The following PIGL variants were observed in gnomAD, a reference collection of about 807,000 sequenced individuals.
The protein encoded by PIGL is N-acetylglucosaminyl-phosphatidylinositol de-N-acetylase.
Under a neutral mutation model 31.1 loss-of-function variants are expected in PIGL, and 22 were observed. The ratio of observed to expected loss-of-function variants is 0.71; its 90% CI spans 0.51 to 1.01. The LOEUF (loss-of-function observed/expected upper bound fraction) is 1.01. PIGL is among the 50% of genes least tolerant of loss of function. The pLI is 0.00. For synonymous variants in PIGL, 131 were observed against 117.4 expected, an observed-to-expected ratio of 1.12 and a Z score of -0.75; for missense variants, 302 against 315.9, an observed-to-expected ratio of 0.96 and a Z score of 0.33.
At position 16,306,878 on chromosome 17, in the gene PIGL, G is replaced by T. The variant is rs11078338; in HGVS notation, c.427-6669G>T. ...AAGGGGTGAGATTCTTAGAGTGACA[G>T]TTCAGAGACAGTCAGGAGAGTAGGG... On this transcript the variant is annotated intron_variant, in intron 3 of 6. Transcript: ENST00000225609. Among the ~76,000 whole-genome samples, 4,910 of 152,246 alleles carry T rather than the reference G, an allele frequency of 0.032. 451 individuals carry two copies. In the East Asian group the frequency reaches 0.4, roughly 12 times the overall value.
At chr17:16,223,093 G>T (rs1037198680) in intron 1 of PIGL, among the ~76,000 whole-genome samples, 1 of 152,156 alleles carries the variant, frequency 6.6e-6, no homozygotes, top group African/African-American at 2.4e-5. Context: ...CTATGTAGAC[G>T]TTTACAGTCT....
chr17:16,264,010 ATTT>A (rs58866950), intron 2 of PIGL, among the ~76,000 whole-genome samples: 498 of 42,824 alleles, frequency 0.012, 5 homozygotes, highest in African/African-American at 0.045. Context: ...CTCCTGGCTG[ATTT>A]TTTTTTTTTT....
chr17:16,303,952 G>T (rs182488366), intron 3 of PIGL, among the ~76,000 whole-genome samples: 1 of 152,208 alleles, frequency 6.6e-6, no homozygotes, highest in Non-Finnish European at 1.5e-5. Flanking sequence ...CTGACCTCAT[G>T]ATCCGCCCGC....
intron 6 of PIGL, 106 bp from the exon 7 acceptor site, chr17:16,325,694 A>C: frequency 2.4e-6 from 2 of 825,180 alleles, no homozygotes; most frequent in South Asian, 1.5e-5. Flanking sequence ...TATAGCATGA[A>C]GCATATTAGT....
At chr17:16,311,858 C>T (rs1405659570) in intron 3 of PIGL, among the ~76,000 whole-genome samples, 1 of 151,976 alleles carries the variant, frequency 6.6e-6, no homozygotes, top group Non-Finnish European at 1.5e-5. Context: ...GGTCTACCTC[C>T]TTCTACACAG....
intron 2 of PIGL, among the ~76,000 whole-genome samples, chr17:16,245,801 C>CAT (rs2092743398): frequency 7.5e-6 from 1 of 133,464 alleles, no homozygotes; most frequent in African/African-American, 3.3e-5. Context: ...TATACACACA[C>CAT]ACACATATAT....
At chr17:16,289,134 A>C (rs573257695) in intron 2 of PIGL, among the ~76,000 whole-genome samples, 1 of 152,198 alleles carries the variant, frequency 6.6e-6, no homozygotes, top group Non-Finnish European at 1.5e-5. Flanking sequence ...CTGATTTGAG[A>C]TGTAAAGTGA....
intron 2 of PIGL, among the ~76,000 whole-genome samples, chr17:16,295,619 C>T (rs1459372873): frequency 6.6e-6 from 1 of 151,822 alleles, no homozygotes; most frequent in Non-Finnish European, 1.5e-5. Flanking sequence ...GCATTCCAGC[C>T]TGGGTGACAG....
chr17:16,285,598 G>T (rs1036272781), intron 2 of PIGL, among the ~76,000 whole-genome samples: 1 of 152,058 alleles, frequency 6.6e-6, no homozygotes, highest in Non-Finnish European at 1.5e-5. Flanking sequence ...TTTATGGTTA[G>T]ATTTGGGGGC....
chr17:16,280,884 T>C (rs1476248313), intron 2 of PIGL, among the ~76,000 whole-genome samples: 1 of 152,148 alleles, frequency 6.6e-6, no homozygotes, highest in Non-Finnish European at 1.5e-5. Context: ...TTTGTAGTTT[T>C]AGTAGAGATG....
chr17:16,303,847 TGGG>T (rs2093015620), intron 3 of PIGL, among the ~76,000 whole-genome samples: 1 of 152,126 alleles, frequency 6.6e-6, no homozygotes, highest in Admixed American at 6.6e-5. Context: ...CCTGAGTAGC[TGGG>T]ACTACAGGCG....
chr17:16,267,030 A>G (rs2092847263), intron 2 of PIGL, among the ~76,000 whole-genome samples: 1 of 152,128 alleles, frequency 6.6e-6, no homozygotes, highest in Admixed American at 6.6e-5. Context: ...ACCTTTGAAC[A>G]ATGAGAGGGT....
At chr17:16,256,985 C>T (rs1181490924) in intron 2 of PIGL, among the ~76,000 whole-genome samples, 1 of 152,136 alleles carries the variant, frequency 6.6e-6, no homozygotes, top group East Asian at 1.9e-4. Context: ...ACCATGCCAG[C>T]CAGTCTCTTT....
chr17:16,326,148 C>G lies in PIGL; in HGVS notation c.*250C>G. ...AGCTACACTGCTAGCTTCTCAAGTT[C>G]TTGTGAAAAACAATTTACATAATGA... On this transcript the variant is annotated 3_prime_UTR_variant, in exon 7 of 7. Coordinates refer to ENST00000225609, the MANE Select transcript of PIGL (RefSeq NM_004278.4). 1 of 466,408 alleles carries G rather than the reference C, an allele frequency of 2.1e-6. No individual in the cohort carries two copies. The highest frequency in any genetic ancestry group is 3.4e-5 in the East Asian group (1 of 29,024). 28.9% of individuals were successfully genotyped at this position (466,408 alleles called of 1,614,324 possible).
chr17:16,238,285 A>ATACAAT (rs1443911428), intron 2 of PIGL, among the ~76,000 whole-genome samples: 1 of 151,936 alleles, frequency 6.6e-6, no homozygotes, highest in African/African-American at 2.4e-5. Context: ...AAATACTCAA[A>ATACAAT]ACTAATACTA....
intron 2 of PIGL, among the ~76,000 whole-genome samples, chr17:16,283,297 C>T (rs1332086867): frequency 4.6e-5 from 7 of 152,100 alleles, no homozygotes; most frequent in Non-Finnish European, 1.0e-4. Flanking sequence ...GCCACTGTGC[C>T]TGGCCAAAAC....
chr17:16,217,627 T>TACACC, intron 1 of PIGL, 166 bp downstream of exon 1: 8 of 523,076 alleles, frequency 1.5e-5, no homozygotes, highest in South Asian at 1.0e-4. Flanking sequence ...AGCGGCCGGC[T>TACACC]TACCTGGTGG....
chr17:16,282,830 A>G (rs922662619), intron 2 of PIGL, among the ~76,000 whole-genome samples: 1 of 152,106 alleles, frequency 6.6e-6, no homozygotes, highest in Non-Finnish European at 1.5e-5. Flanking sequence ...CTCAGCCCCT[A>G]TTATGGGTCC....
intron 5 of PIGL, 122 bp downstream of exon 5, chr17:16,316,834 G>C (rs759098893): frequency 6.6e-7 from 1 of 1,518,048 alleles, no homozygotes. Context: ...GGTTGGGGAG[G>C]CCGCCACACT....
Sources: allele counts gnomAD v4.1 joint callset (sites outside exome capture counted in the v4.1 genomes callset), GRCh38; gene constraint gnomAD v4.1.1; transcripts MANE v1.5; gene names NCBI Gene and HGNC (gene_info 2026-07-23, HGNC 2026-07-21).